PCMT1: variants seen among roughly 807,000 people sequenced by gnomAD.
PCMT1 encodes protein-L-isoaspartate (D-aspartate) O-methyltransferase.
In PCMT1, 9 loss-of-function variants were observed where a neutral mutation model predicts 29.2. That is an observed-to-expected ratio of 0.31 (90% CI 0.19 to 0.54). The LOEUF (loss-of-function observed/expected upper bound fraction) is 0.54. Ranked by LOEUF, PCMT1 falls within the 20% of genes least tolerant of loss-of-function variation. The pLI, the probability that PCMT1 is intolerant of heterozygous loss-of-function variation, is 0.95. For synonymous variants in PCMT1, 98 were observed against 97.5 expected, an observed-to-expected ratio of 1.00 and a Z score of -0.03; for missense variants, 184 against 282.2, an observed-to-expected ratio of 0.65 and a Z score of 2.49.
rs964842015 is a variant in PCMT1, at chr6:149,759,088, G to A, written c.55+9132G>A. Among the ~76,000 whole-genome samples, 5 of 152,230 alleles carry A rather than the reference G, an allele frequency of 3.3e-5. 1 individual carries two copies. In the South Asian group the frequency reaches 1.0e-3, roughly 32 times the overall value. Reference sequence around the variant, plus strand: ...GACAGGGTTTCACCAAGTTGGCCAGGATGGTCTCAATCTCTTGACCTCGTG... The same window carrying A: ...GACAGGGTTTCACCAAGTTGGCCAGAATGGTCTCAATCTCTTGACCTCGTG... On this transcript the variant is annotated intron_variant, in intron 1 of 7. Transcript: ENST00000464889.
At chr6:149,773,554 A>G (rs542797526) in intron 3 of PCMT1, among the ~76,000 whole-genome samples, 2 of 152,102 alleles carry the variant, frequency 1.3e-5, no homozygotes, top group East Asian at 1.9e-4. Context: ...AATTTTTTAT[A>G]TTTTTAGTAG....
At chr6:149,762,561 C>G (rs866789880) in intron 1 of PCMT1, among the ~76,000 whole-genome samples, 1 of 59,764 alleles carries the variant, frequency 1.7e-5, no homozygotes, top group Non-Finnish European at 3.2e-5. Context: ...ATATATATAT[C>G]TATGATATAT....
intron 7 of PCMT1, among the ~76,000 whole-genome samples, chr6:149,802,913 C>T (rs1012059145): frequency 3.3e-5 from 5 of 151,516 alleles, no homozygotes; most frequent in Non-Finnish European, 7.4e-5. Flanking sequence ...ATCAGCTGGG[C>T]GTGATGGCAC....
At chr6:149,772,326 C>A in intron 2 of PCMT1, 1 of 328,814 alleles carries the variant, frequency 3.0e-6, no homozygotes, top group Non-Finnish European at 5.9e-6. Context: ...TGTGAATTAA[C>A]ATTAGATGAT....
At chr6:149,774,407 T>C (rs1015069571) in intron 3 of PCMT1, among the ~76,000 whole-genome samples, 6 of 146,518 alleles carry the variant, frequency 4.1e-5, no homozygotes, top group African/African-American at 7.6e-5. Context: ...ACTCAGCTTA[T>C]GTTTTGTATT....
At chr6:149,769,165 C>T (rs1787207391) in intron 1 of PCMT1, among the ~76,000 whole-genome samples, 2 of 151,734 alleles carry the variant, frequency 1.3e-5, no homozygotes, top group South Asian at 4.2e-4. Context: ...TGGTTTTTTT[C>T]TTTTTCCTAC....
chr6:149,750,696 C>T (rs1305043797), intron 1 of PCMT1, among the ~76,000 whole-genome samples: 1 of 152,102 alleles, frequency 6.6e-6, no homozygotes, highest in African/African-American at 2.4e-5. Context: ...CTACCATAGG[C>T]TTTAAAAACC....
Position 149,802,252 on chromosome 6 carries a change from C to T in PCMT1, c.557C>T (p.Ala186Val), listed in dbSNP as rs773034212. 7 of 1,612,980 alleles carry T rather than the reference C, an allele frequency of 4.3e-6. No homozygotes were observed. The highest frequency in any genetic ancestry group is 5.1e-6 in the Non-Finnish European group (6 of 1,179,376). The stretch of plus-strand genomic sequence containing the variant: ...AGATTGATATTGCCTGTTGGTCCTG[C>T]AGGCGGAAACCAAATGTTGGAGCAG... ...GGRLILPVGP[A>V]GGNQMLEQYD... The change falls in exon 7 of 8, where the codon GCA becomes GTA. Residue 186 changes from alanine to valine, a missense_variant. Ala to Val is a moderately conservative substitution (Grantham distance 64). Coordinates refer to ENST00000464889, the MANE Select transcript of PCMT1 (RefSeq NM_001360452.2).
chr6:149,804,232 TGTA>T (rs1390399612), intron 7 of PCMT1, among the ~76,000 whole-genome samples: 4 of 152,244 alleles, frequency 2.6e-5, no homozygotes, highest in African/African-American at 4.8e-5. Context: ...GTGAGATTAT[TGTA>T]GTATAAAAGG....
At chr6:149,791,734 T>C (rs1439124284) in intron 4 of PCMT1, among the ~76,000 whole-genome samples, 2 of 152,204 alleles carry the variant, frequency 1.3e-5, no homozygotes, top group East Asian at 3.8e-4. Flanking sequence ...AAGTCCTCAT[T>C]AATGGATATC....
chr6:149,804,795 C>G (rs576618287), intron 7 of PCMT1, among the ~76,000 whole-genome samples: 7 of 152,192 alleles, frequency 4.6e-5, no homozygotes, highest in African/African-American at 1.7e-4. Context: ...AGCCACCATG[C>G]CTGGCCCTGT....
chr6:149,752,755 A>C (rs10782316), intron 1 of PCMT1, among the ~76,000 whole-genome samples: 66,486 of 151,964 alleles, frequency 0.44, 15,576 homozygotes, highest in East Asian at 0.81. Flanking sequence ...GTAGGTTATC[A>C]TAGTAGGCAC....
At chr6:149,802,710 T>C (rs1202588460) in intron 7 of PCMT1, among the ~76,000 whole-genome samples, 1 of 151,944 alleles carries the variant, frequency 6.6e-6, no homozygotes, top group South Asian at 2.1e-4. Flanking sequence ...TGTTTTTATG[T>C]TTTTAAATTA....
chr6:149,780,618 C>T (rs556544711), intron 3 of PCMT1, among the ~76,000 whole-genome samples: 1 of 152,154 alleles, frequency 6.6e-6, no homozygotes, highest in Non-Finnish European at 1.5e-5. Flanking sequence ...AATATGTTGC[C>T]TTTTATGACT....
At chr6:149,779,608 G>A (rs1433035832) in intron 3 of PCMT1, among the ~76,000 whole-genome samples, 3 of 152,072 alleles carry the variant, frequency 2.0e-5, no homozygotes, top group Non-Finnish European at 4.4e-5. Context: ...TCAGGAGTTC[G>A]AGACCAGCCT....
chr6:149,764,731 C>T (rs1457490585), intron 1 of PCMT1, among the ~76,000 whole-genome samples: 1 of 151,930 alleles, frequency 6.6e-6, no homozygotes, highest in Non-Finnish European at 1.5e-5. Context: ...CAAAGCCAGA[C>T]CATATCTCTT....
chr6:149,793,692 A>C, intron 5 of PCMT1, 23 bp downstream of exon 5: 1 of 1,523,050 alleles, frequency 6.6e-7, no homozygotes. Flanking sequence ...AAACTTTAAA[A>C]ATTTCTTCAG....
intron 1 of PCMT1, among the ~76,000 whole-genome samples, chr6:149,770,867 C>T (rs938473941): frequency 6.0e-5 from 9 of 150,694 alleles, no homozygotes; most frequent in Admixed American, 6.6e-5. Context: ...GGCGTGGTGG[C>T]GGGCACCTGT....
intron 7 of PCMT1, among the ~76,000 whole-genome samples, chr6:149,806,506 A>G (rs926979259): frequency 6.6e-6 from 1 of 152,188 alleles, no homozygotes; most frequent in African/African-American, 2.4e-5. Context: ...TCTGGGAATT[A>G]TCATCTAAAA....
Sources: allele counts gnomAD v4.1 joint callset (sites outside exome capture counted in the v4.1 genomes callset), GRCh38; gene constraint gnomAD v4.1.1; transcripts MANE v1.5; gene names NCBI Gene and HGNC (gene_info 2026-07-23, HGNC 2026-07-21).